Variants in PRUNE2 observed in about 807,000 individuals in gnomAD.
PRUNE2 encodes the protein protein prune homolog 2.
In PRUNE2, 164 loss-of-function variants were observed where a neutral mutation model predicts 252.0. The ratio of observed to expected loss-of-function variants is 0.65; its 90% CI spans 0.57 to 0.74. PRUNE2 has a LOEUF of 0.74. Ranked by LOEUF, PRUNE2 falls within the 30% of genes least tolerant of loss-of-function variation. The pLI, the probability that PRUNE2 is intolerant of heterozygous loss-of-function variation, is 0.00. For missense variants in PRUNE2, 3,495 were observed against 3,711.0 expected, an observed-to-expected ratio of 0.94 and a Z score of 1.51; for synonymous variants, 1,292 against 1,350.2, an observed-to-expected ratio of 0.96 and a Z score of 0.94.
chr9:76,724,934 G>A (rs974685068), intron 6 of PRUNE2, among the ~76,000 whole-genome samples: 5 of 151,932 alleles, frequency 3.3e-5, no homozygotes, highest in Admixed American at 6.6e-5. Context: ...ATGAAACCCC[G>A]CTCATTAGCC....
intron 1 of PRUNE2, among the ~76,000 whole-genome samples, chr9:76,854,570 GAAAC>G (rs1337557952): frequency 1.3e-5 from 2 of 152,110 alleles, no homozygotes; most frequent in South Asian, 2.1e-4. Flanking sequence ...CTTAATTTAA[GAAAC>G]AAACAAAATG....
At chr9:76,735,770 A>G (rs2049022810) in intron 6 of PRUNE2, among the ~76,000 whole-genome samples, 1 of 152,224 alleles carries the variant, frequency 6.6e-6, no homozygotes, top group Non-Finnish European at 1.5e-5. Context: ...ATTGATGTTC[A>G]CCAATTCTTT....
Position 76,890,322 on chromosome 9 carries a change from A to G in PRUNE2, c.36+15606T>C, listed in dbSNP as rs185731190. Among the ~76,000 whole-genome samples, 507 of 152,292 alleles carry G rather than the reference A, an allele frequency of 3.3e-3. 5 individuals carry two copies. The highest frequency in any genetic ancestry group is 0.012 in the African/African-American group (485 of 41,562). On this transcript the variant is annotated intron_variant, in intron 1 of 18. Transcript: ENST00000376718. ...CAGGCTATGCTGAAGGGGGAGTGAT[A>G]AGGATAAGAAGTGGTGTAAAGATAT... is the stretch of plus-strand genomic sequence containing the variant.
intron 9 of PRUNE2, among the ~76,000 whole-genome samples, chr9:76,702,098 C>T (rs2045933006): frequency 6.7e-6 from 1 of 149,720 alleles, no homozygotes; most frequent in African/African-American, 2.5e-5. Context: ...CTGGCTCTGT[C>T]ACTCAGGCTG....
At chr9:76,654,977 T>A (rs1219368187) in intron 10 of PRUNE2, among the ~76,000 whole-genome samples, 2 of 152,208 alleles carry the variant, frequency 1.3e-5, no homozygotes, top group African/African-American at 2.4e-5. Flanking sequence ...TGCCTTGGGT[T>A]GTAAACCCCT....
chr9:76,626,770 G>C, intron 16 of PRUNE2, among the ~76,000 whole-genome samples: 1 of 152,196 alleles, frequency 6.6e-6, no homozygotes, highest in Admixed American at 6.5e-5. Flanking sequence ...CAAGTGCTTT[G>C]TGTACCCTGT....
intron 16 of PRUNE2, among the ~76,000 whole-genome samples, chr9:76,626,776 CCT>C (rs1295500115): frequency 6.6e-6 from 1 of 152,106 alleles, no homozygotes; most frequent in African/African-American, 2.4e-5. Context: ...CTTTGTGTAC[CCT>C]GTTTGCATTC....
intron 6 of PRUNE2, among the ~76,000 whole-genome samples, chr9:76,723,232 T>C (rs535199756): frequency 2.5e-4 from 38 of 152,332 alleles, no homozygotes; most frequent in African/African-American, 9.1e-4. Flanking sequence ...AAGTTGGGCA[T>C]GCAAGTGTAC....
At chr9:76,843,173 G>A (rs957131300) in intron 4 of PRUNE2, among the ~76,000 whole-genome samples, 1 of 152,140 alleles carries the variant, frequency 6.6e-6, no homozygotes, top group Admixed American at 6.5e-5. Context: ...GTCCTTTGCA[G>A]GGACACTGAT....
chr9:76,857,196 C>A (rs979637141), intron 1 of PRUNE2: 1 of 453,096 alleles, frequency 2.2e-6, no homozygotes, highest in Non-Finnish European at 4.4e-6. Flanking sequence ...TTCCAGGCTT[C>A]AGCACTCTCT....
At chr9:76,667,641 G>A (rs1264818349) in intron 9 of PRUNE2, among the ~76,000 whole-genome samples, 3 of 152,344 alleles carry the variant, frequency 2.0e-5, no homozygotes, top group African/African-American at 7.2e-5. Flanking sequence ...GCTGGCACCA[G>A]AAATATGAAC....
intron 9 of PRUNE2, among the ~76,000 whole-genome samples, chr9:76,658,663 A>C (rs1025131467): frequency 6.6e-6 from 1 of 152,190 alleles, no homozygotes; most frequent in African/African-American, 2.4e-5. Context: ...TGTAGCCTCT[A>C]CTTAATTTTG....
intron 1 of PRUNE2, among the ~76,000 whole-genome samples, chr9:76,876,196 A>G (rs2061466588): frequency 6.6e-6 from 1 of 152,260 alleles, no homozygotes; most frequent in African/African-American, 2.4e-5. Context: ...TTAAGTAGAT[A>G]GATGGAAATA....
At chr9:76,864,701 C>T (rs1457743049) in intron 1 of PRUNE2, among the ~76,000 whole-genome samples, 1 of 152,046 alleles carries the variant, frequency 6.6e-6, no homozygotes. Flanking sequence ...AGACAAACAA[C>T]CCAATGGAAT....
At chr9:76,773,740 G>T (rs771512062) in intron 6 of PRUNE2, among the ~76,000 whole-genome samples, 1 of 152,120 alleles carries the variant, frequency 6.6e-6, no homozygotes, top group Non-Finnish European at 1.5e-5. Context: ...CACCGCACCC[G>T]GCCAAGTACA....
chr9:76,731,700 A>T (rs542280131), intron 6 of PRUNE2, among the ~76,000 whole-genome samples: 1 of 152,282 alleles, frequency 6.6e-6, no homozygotes, highest in African/African-American at 2.4e-5. Flanking sequence ...CAAGGAGAAA[A>T]TTCCAGAAAA....
At chr9:76,658,650 A>G (rs1725034470) in intron 9 of PRUNE2, among the ~76,000 whole-genome samples, 1 of 152,208 alleles carries the variant, frequency 6.6e-6, no homozygotes, top group Admixed American at 6.5e-5. Flanking sequence ...TACTTTATCT[A>G]TCTGTAGCCT....
chr9:76,807,207 A>G (rs1209357878), intron 6 of PRUNE2, among the ~76,000 whole-genome samples: 1 of 150,852 alleles, frequency 6.6e-6, no homozygotes, highest in Non-Finnish European at 1.5e-5. Context: ...CAAAGTAGCT[A>G]GCACCACCAT....
At chr9:76,831,909 A>G (rs2058693983) in intron 4 of PRUNE2, among the ~76,000 whole-genome samples, 1 of 152,190 alleles carries the variant, frequency 6.6e-6, no homozygotes, top group Admixed American at 6.5e-5. Context: ...GGTTGAAGGT[A>G]AAAGGATAGA....
Sources: allele counts gnomAD v4.1 joint callset (sites outside exome capture counted in the v4.1 genomes callset), GRCh38; gene constraint gnomAD v4.1.1; transcripts MANE v1.5; gene names NCBI Gene and HGNC (gene_info 2026-07-23, HGNC 2026-07-21).